AXDND1: variants seen among roughly 807,000 people sequenced by gnomAD.
The protein encoded by AXDND1 is axonemal dynein light chain domain-containing protein 1.
Under a neutral mutation model 137.5 loss-of-function variants are expected in AXDND1, and 110 were observed. The ratio of observed to expected loss-of-function variants is 0.80; its 90% CI spans 0.69 to 0.94. The LOEUF is 0.94. Among genes scored for constraint, AXDND1 ranks in the 40% least tolerant of loss-of-function variants. The pLI is 0.00. For synonymous variants in AXDND1, 414 were observed against 399.7 expected (o/e 1.04, Z -0.43); for missense variants, 1,191 against 1,169.8 (o/e 1.02, Z -0.26).
At chr1:179,544,935 C>A (rs1225481780) in intron 25 of AXDND1, 1 of 152,186 alleles carries the variant, frequency 6.6e-6, no homozygotes, top group East Asian at 1.9e-4. Context: ...GACTGTTTCA[C>A]AATAGTGAAG....
At chr1:179,423,728 G>A (rs61822778) in intron 12 of AXDND1, among the ~76,000 whole-genome samples, 2,019 of 151,936 alleles carry the variant, frequency 0.013, 20 homozygotes, top group Middle Eastern at 0.034. Flanking sequence ...AAAAAAATAC[G>A]CTTTAACTCT....
intron 25 of AXDND1, among the ~76,000 whole-genome samples, chr1:179,550,354 G>A (rs3767840): frequency 0.61 from 93,328 of 151,940 alleles, 28,819 homozygotes; most frequent in Admixed American, 0.64. Flanking sequence ...CAGGGCATGT[G>A]TAGGTTACCT....
At chr1:179,465,217 C>T (rs994259449) in intron 16 of AXDND1, among the ~76,000 whole-genome samples, 1 of 152,216 alleles carries the variant, frequency 6.6e-6, no homozygotes, top group South Asian at 2.1e-4. Flanking sequence ...TTAGAATTTT[C>T]AGCTTCTCTA....
chr1:179,410,923 T>A (rs1653771708), intron 11 of AXDND1, among the ~76,000 whole-genome samples: 2 of 152,200 alleles, frequency 1.3e-5, no homozygotes, highest in African/African-American at 4.8e-5. Context: ...ATTTTTACTT[T>A]CATTAAGACT....
At chr1:179,479,476 A>AAC (rs1665063835) in intron 17 of AXDND1, among the ~76,000 whole-genome samples, 1 of 2,524 alleles carries the variant, frequency 4.0e-4, no homozygotes, top group Non-Finnish European at 1.1e-3. Flanking sequence ...ACTCTGTCTC[A>AAC]AAAAAAAAAA....
At chr1:179,472,792 A>G (rs550967602) in intron 17 of AXDND1, among the ~76,000 whole-genome samples, 1 of 152,266 alleles carries the variant, frequency 6.6e-6, no homozygotes, top group Non-Finnish European at 1.5e-5. Flanking sequence ...AATCTATTTT[A>G]TCTGCTATCA....
At chr1:179,428,286 A>G (rs972060996) in intron 12 of AXDND1, among the ~76,000 whole-genome samples, 7 of 152,266 alleles carry the variant, frequency 4.6e-5, no homozygotes, top group African/African-American at 1.4e-4. Context: ...AAGTATTTCA[A>G]TAGTAGAGAG....
intron 23 of AXDND1, among the ~76,000 whole-genome samples, chr1:179,533,292 T>C (rs1671196980): frequency 1.3e-5 from 2 of 151,930 alleles, no homozygotes; most frequent in African/African-American, 2.4e-5. Context: ...CTTTTTTCTA[T>C]ATTTTCTTTG....
intron 15 of AXDND1, among the ~76,000 whole-genome samples, chr1:179,442,951 CA>C (rs1253322231): frequency 6.6e-6 from 1 of 152,164 alleles, no homozygotes; most frequent in African/African-American, 2.4e-5. Flanking sequence ...CTGAGCTTTA[CA>C]CAGCGCTCCA....
At chr1:179,535,377 C>T (rs1331347457) in intron 25 of AXDND1, among the ~76,000 whole-genome samples, 1 of 152,074 alleles carries the variant, frequency 6.6e-6, no homozygotes, top group Non-Finnish European at 1.5e-5. Context: ...TCCCTCAGCC[C>T]CCGACCCCCT....
At chr1:179,438,171 A>AATAAATACATAC (rs113563095) in intron 15 of AXDND1, among the ~76,000 whole-genome samples, 12 of 151,318 alleles carry the variant, frequency 7.9e-5, no homozygotes, top group East Asian at 7.8e-4. Context: ...TAAATAAATA[A>AATAAATACATAC]ATAAATAAAT....
intron 18 of AXDND1, among the ~76,000 whole-genome samples, chr1:179,489,622 T>A (rs1349356069): frequency 6.6e-6 from 1 of 152,230 alleles, no homozygotes; most frequent in Non-Finnish European, 1.5e-5. Context: ...CCCCTTTTCC[T>A]GATACATAAA....
At chr1:179,442,804 G>A (rs77178960) in intron 15 of AXDND1, among the ~76,000 whole-genome samples, 2,668 of 152,064 alleles carry the variant, frequency 0.018, 65 homozygotes, top group African/African-American at 0.059. Flanking sequence ...TCCTGTGTTC[G>A]GATGCCACTA....
chr1:179,389,403 G>A (rs1214260805), intron 9 of AXDND1, among the ~76,000 whole-genome samples: 2 of 152,182 alleles, frequency 1.3e-5, no homozygotes, highest in East Asian at 3.8e-4. Context: ...CTTTGCTTGT[G>A]GAGCTAATAT....
chr1:179,476,152 G>A (rs1250188520), intron 17 of AXDND1, among the ~76,000 whole-genome samples: 2 of 151,860 alleles, frequency 1.3e-5, no homozygotes, highest in Non-Finnish European at 2.9e-5. Context: ...CCCAGTCTTG[G>A]GTATTTCTTT....
chr1:179,488,137 T>C (rs1167354750), intron 18 of AXDND1, among the ~76,000 whole-genome samples: 1 of 148,072 alleles, frequency 6.8e-6, no homozygotes, highest in Non-Finnish European at 1.5e-5. Flanking sequence ...TTAGACAGTG[T>C]AGCATTCCTA....
At chr1:179,528,306 C>A in intron 22 of AXDND1, 21 bp from the exon 23 acceptor site, 1 of 1,574,150 alleles carries the variant, frequency 6.4e-7, no homozygotes, top group Non-Finnish European at 8.7e-7. Context: ...GCTAACAGGT[C>A]CGCATGTTTC....
At chr1:179,435,503 A>G (rs955272818) in intron 15 of AXDND1, among the ~76,000 whole-genome samples, 11 of 152,210 alleles carry the variant, frequency 7.2e-5, no homozygotes, top group African/African-American at 1.2e-4. Context: ...ATATAGACCA[A>G]TGGAATAAAA....
intron 17 of AXDND1, among the ~76,000 whole-genome samples, chr1:179,480,344 C>T (rs541361371): frequency 6.6e-6 from 1 of 152,240 alleles, no homozygotes; most frequent in African/African-American, 2.4e-5. Flanking sequence ...AGAATGAGAG[C>T]CAAGTGAAAG....
Sources: allele counts gnomAD v4.1 joint callset (sites outside exome capture counted in the v4.1 genomes callset), GRCh38; gene constraint gnomAD v4.1.1; transcripts MANE v1.5; gene names NCBI Gene and HGNC (gene_info 2026-07-23, HGNC 2026-07-21).